ATOSA: variants seen among roughly 807,000 people sequenced by gnomAD.
ATOSA encodes the protein atos homolog protein A.
the ATOSA span, among the ~76,000 whole-genome samples, chr15:52,612,391 C>T: frequency 6.6e-6 from 1 of 152,254 alleles, no homozygotes; most frequent in South Asian, 2.1e-4. Flanking sequence ...TGAGTTGGCC[C>T]AGCCTTGCCT....
the ATOSA span, among the ~76,000 whole-genome samples, chr15:52,685,226 T>C: frequency 6.6e-6 from 1 of 152,212 alleles, no homozygotes; most frequent in Non-Finnish European, 1.5e-5. Context: ...TTAGGAAACT[T>C]GCTGCTTGCC....
chr15:52,606,103 C>T, the ATOSA span, among the ~76,000 whole-genome samples: 2 of 151,844 alleles, frequency 1.3e-5, no homozygotes, highest in Admixed American at 6.6e-5. Flanking sequence ...GAAAGGAAAC[C>T]GTGGATAAGG....
At chr15:52,692,628 A>T in the ATOSA span, among the ~76,000 whole-genome samples, 1 of 152,156 alleles carries the variant, frequency 6.6e-6, no homozygotes, top group African/African-American at 2.4e-5. Flanking sequence ...TGCTGGGATT[A>T]CAGGCATGAG....
At chr15:52,597,165 G>GTTCTGTTCTGTTCTA in the ATOSA span, among the ~76,000 whole-genome samples, 2 of 24,752 alleles carry the variant, frequency 8.1e-5, no homozygotes, top group Admixed American at 4.2e-4. Context: ...GTTCTGTTCT[G>GTTCTGTTCTGTTCTA]TTCTATTCTA....
chr15:52,582,067 G>T, the ATOSA span: 1 of 1,109,460 alleles, frequency 9.0e-7, no homozygotes, highest in Non-Finnish European at 1.2e-6. Context: ...CCACTCTCCT[G>T]ATTGTTAATT....
chr15:52,668,580 A>T, the ATOSA span, among the ~76,000 whole-genome samples: 1 of 152,236 alleles, frequency 6.6e-6, no homozygotes, highest in East Asian at 1.9e-4. Context: ...CAAGGAAATC[A>T]TAAGTGCATG....
chr15:52,596,402 T>G, the ATOSA span, among the ~76,000 whole-genome samples: 14 of 152,210 alleles, frequency 9.2e-5, no homozygotes, highest in African/African-American at 2.9e-4. Context: ...GGACTCACAT[T>G]ACCTGATTTC....
chr15:52,600,503 A>G, the ATOSA span, among the ~76,000 whole-genome samples: 1 of 152,154 alleles, frequency 6.6e-6, no homozygotes, highest in Non-Finnish European at 1.5e-5. Flanking sequence ...AACTACCATA[A>G]TAAATTAATG....
chr15:52,693,175 T>A, the ATOSA span, among the ~76,000 whole-genome samples: 5 of 152,120 alleles, frequency 3.3e-5, no homozygotes, highest in East Asian at 5.8e-4. Context: ...ATCTCAGCAT[T>A]TTGGGAGGCC....
At chr15:52,592,134 G>A in the ATOSA span, among the ~76,000 whole-genome samples, 3 of 152,248 alleles carry the variant, frequency 2.0e-5, no homozygotes, top group East Asian at 3.9e-4. Context: ...TTGTATAGAT[G>A]TCCCTTTTTA....
At chr15:52,681,523 G>A in the ATOSA span, among the ~76,000 whole-genome samples, 6 of 152,276 alleles carry the variant, frequency 3.9e-5, no homozygotes, top group Admixed American at 6.5e-5. Context: ...TGTTCAGAGC[G>A]TTTGGAAATA....
At chr15:52,652,488 T>C in the ATOSA span, among the ~76,000 whole-genome samples, 41 of 152,290 alleles carry the variant, frequency 2.7e-4, no homozygotes, top group African/African-American at 9.9e-4. Flanking sequence ...TTGTCAACCT[T>C]CATATACCTG....
chr15:52,592,489 C>T, the ATOSA span, among the ~76,000 whole-genome samples: 1,154 of 152,182 alleles, frequency 7.6e-3, 17 homozygotes, highest in African/African-American at 0.027. Flanking sequence ...CTTATATTAT[C>T]CACAAGCCAT....
chr15:52,602,564 T>C, the ATOSA span, among the ~76,000 whole-genome samples: 1 of 152,190 alleles, frequency 6.6e-6, no homozygotes. Flanking sequence ...ATGGATTTCA[T>C]GGGTTCCAAT....
the ATOSA span, among the ~76,000 whole-genome samples, chr15:52,660,034 G>C: frequency 0.018 from 2,785 of 152,192 alleles, 91 homozygotes; most frequent in African/African-American, 0.064. Context: ...TACAGTTAGA[G>C]ATATAAAACA....
chr15:52,599,072 C>A, the ATOSA span, among the ~76,000 whole-genome samples: 1 of 152,176 alleles, frequency 6.6e-6, no homozygotes, highest in Non-Finnish European at 1.5e-5. Context: ...CCAATTAAAC[C>A]TCTTTTCTTT....
chr15:52,626,048 G>A, the ATOSA span, among the ~76,000 whole-genome samples: 3 of 152,176 alleles, frequency 2.0e-5, no homozygotes, highest in Admixed American at 1.3e-4. Flanking sequence ...AATGCTGCAT[G>A]GCTCATAGTG....
the ATOSA span, chr15:52,608,956 G>T: frequency 1.2e-6 from 2 of 1,610,810 alleles, no homozygotes; most frequent in Non-Finnish European, 1.7e-6. Context: ...ATACTTATTT[G>T]TACAAATCTG....
chr15:52,689,449 T>C, the ATOSA span, among the ~76,000 whole-genome samples: 7 of 152,130 alleles, frequency 4.6e-5, no homozygotes, highest in Admixed American at 2.6e-4. Flanking sequence ...TATGAAGACA[T>C]GGAAACATGA....
Sources: allele counts gnomAD v4.1 joint callset (sites outside exome capture counted in the v4.1 genomes callset), GRCh38; gene constraint gnomAD v4.1.1; transcripts MANE v1.5; gene names NCBI Gene and HGNC (gene_info 2026-07-23, HGNC 2026-07-21).